The following PUDP variants were observed in gnomAD, a reference collection of about 807,000 sequenced individuals.
PUDP encodes pseudouridine 5'-phosphatase.
A neutral mutation model predicts 9.4 loss-of-function variants in PUDP; 8 were observed. That is an observed-to-expected ratio of 0.85 (90% CI 0.50 to 1.53). The LOEUF is 1.53. Among genes scored for constraint, PUDP ranks in the 40% most tolerant of loss-of-function variants. PUDP has a pLI of 0.00. For synonymous variants in PUDP, 99 were observed against 80.7 expected (o/e 1.23, Z -1.22); for missense variants, 188 against 189.7 (o/e 0.99, Z 0.05).
intron 3 of PUDP, among the ~76,000 whole-genome samples, chrX:6,864,442 T>C: frequency 8.9e-6 from 1 of 112,190 alleles, no homozygotes; most frequent in South Asian, 3.7e-4. Flanking sequence ...ATATAACACT[T>C]GCCAAGGAAT....
At chrX:6,879,764 G>A (rs957528011) in intron 3 of PUDP, among the ~76,000 whole-genome samples, 1 of 111,462 alleles carries the variant, frequency 9.0e-6, no homozygotes, top group African/African-American at 3.3e-5. Flanking sequence ...AAGCTGCCCC[G>A]GGTAGATGGG....
intron 3 of PUDP, among the ~76,000 whole-genome samples, chrX:6,835,371 A>T (rs1926566224): frequency 9.0e-6 from 1 of 111,284 alleles, no homozygotes; most frequent in Admixed American, 9.6e-5. Flanking sequence ...CAAGCAAAGG[A>T]CACAGCAACG....
chrX:6,718,779 CA>C (rs1367450751), intron 1 of PUDP, among the ~76,000 whole-genome samples: 1 of 111,920 alleles, frequency 8.9e-6, no homozygotes, highest in Non-Finnish European at 1.9e-5. Flanking sequence ...CCTTAAAAAA[CA>C]AAGACTTTCT....
intron 1 of PUDP, among the ~76,000 whole-genome samples, chrX:7,114,062 CTCTT>C (rs72410760): frequency 0.33 from 35,547 of 109,287 alleles, 4,517 homozygotes; most frequent in Middle Eastern, 0.46. Context: ...CTCTCTCTCT[CTCTT>C]TTTCTTTTTT....
At chrX:6,777,784 T>C (rs1434311695) in intron 3 of PUDP, among the ~76,000 whole-genome samples, 1 of 111,504 alleles carries the variant, frequency 9.0e-6, no homozygotes, top group Non-Finnish European at 1.9e-5. Context: ...CCTCTTCCTT[T>C]CTGAACCTTT....
At chrX:6,962,546 C>T (rs779761573) in intron 3 of PUDP, among the ~76,000 whole-genome samples, 3 of 111,800 alleles carry the variant, frequency 2.7e-5, no homozygotes, top group Non-Finnish European at 5.6e-5. Flanking sequence ...AAAGGGGTCC[C>T]GGAGCATATG....
chrX:6,881,883 C>A (rs956034876), intron 3 of PUDP, among the ~76,000 whole-genome samples: 2 of 111,497 alleles, frequency 1.8e-5, no homozygotes, highest in African/African-American at 3.3e-5. Context: ...AATCTTAGCT[C>A]CCACTCCAAA....
chrX:7,103,920 G>A (rs1276689136), intron 2 of PUDP, among the ~76,000 whole-genome samples: 2 of 112,195 alleles, frequency 1.8e-5, no homozygotes, highest in African/African-American at 6.5e-5. Flanking sequence ...AGAATGTGGA[G>A]TAATTGGAAC....
At chrX:6,708,329 T>C (rs1358778556) in intron 1 of PUDP, among the ~76,000 whole-genome samples, 1 of 111,588 alleles carries the variant, frequency 9.0e-6, no homozygotes. Flanking sequence ...AAGACTTGTC[T>C]CTCTGCCAGG....
intron 3 of PUDP, among the ~76,000 whole-genome samples, chrX:6,972,347 T>C (rs1041214848): frequency 3.0e-4 from 34 of 112,166 alleles, no homozygotes; most frequent in Non-Finnish European, 5.4e-4. Flanking sequence ...TGTGGGTTTG[T>C]CATAGATAGC....
At chrX:6,819,906 T>C (rs1937058638) in intron 3 of PUDP, among the ~76,000 whole-genome samples, 1 of 111,117 alleles carries the variant, frequency 9.0e-6, no homozygotes, top group African/African-American at 3.3e-5. Context: ...AGAAAATACG[T>C]CAGGTGTGCA....
At chrX:7,034,099 T>C (rs933053310) in intron 1 of PUDP, among the ~76,000 whole-genome samples, 3 of 111,603 alleles carry the variant, frequency 2.7e-5, no homozygotes, top group African/African-American at 9.8e-5. Context: ...TTAAGAAACA[T>C]TTGAGGACAT....
intron 2 of PUDP, among the ~76,000 whole-genome samples, chrX:7,100,573 T>C (rs1275741364): frequency 1.8e-5 from 2 of 111,030 alleles, no homozygotes; most frequent in Admixed American, 1.9e-4. Context: ...AGGAACAAAG[T>C]AGTAAGTGAG....
chrX:6,961,015 C>T (rs773615516), intron 3 of PUDP, among the ~76,000 whole-genome samples: 3 of 111,849 alleles, frequency 2.7e-5, no homozygotes, highest in African/African-American at 9.7e-5. Flanking sequence ...ACATACAAAA[C>T]TCATTTTAAT....
Position 7,050,239 on chromosome X carries a change from C to CCCCAG in PUDP, c.*52_*56dup. 9.0e-7 allele frequency: 1 copy of CCCCAG among 1,108,283 alleles called. No homozygotes were observed. The highest frequency in any genetic ancestry group is 2.0e-5 in the South Asian group (1 of 48,894). 91.3% of individuals were successfully genotyped at this position (1,108,283 alleles called of 1,213,427 possible). A position where few individuals can be genotyped will look rare whatever the true frequency, so the allele number is the denominator to read the frequency against. On this transcript the variant is annotated 3_prime_UTR_variant, in exon 4 of 4. Transcript: ENST00000381077. ...GAGTTGCTGATTTCCTTTCCCTTTCCCCCAGCAGTGTGGACCATGAGAGTG... is the reference window on the plus strand; with the variant it reads ...GAGTTGCTGATTTCCTTTCCCTTTCCCCCAGCCCAGCAGTGTGGACCATGAGAGTG...
intron 1 of PUDP, among the ~76,000 whole-genome samples, chrX:7,123,621 T>C (rs1334183449): frequency 8.9e-6 from 1 of 111,799 alleles, no homozygotes; most frequent in African/African-American, 3.3e-5. Context: ...GATCTAACTA[T>C]ATGATATCTA....
intron 3 of PUDP, among the ~76,000 whole-genome samples, chrX:6,911,835 C>T (rs1389248174): frequency 8.9e-6 from 1 of 111,762 alleles, no homozygotes; most frequent in African/African-American, 3.2e-5. Context: ...ATTTTGTAAG[C>T]CACCAATGTG....
At chrX:6,839,253 A>G (rs1278591092) in intron 3 of PUDP, among the ~76,000 whole-genome samples, 1 of 111,036 alleles carries the variant, frequency 9.0e-6, no homozygotes, top group African/African-American at 3.3e-5. Context: ...TGGGCCTAGG[A>G]CTCTGTAATA....
At chrX:6,815,945 T>C (rs1037400412) in intron 3 of PUDP, among the ~76,000 whole-genome samples, 5 of 107,355 alleles carry the variant, frequency 4.7e-5, no homozygotes, top group African/African-American at 1.7e-4. Context: ...TTTATATATA[T>C]GTATATATAC....
Sources: gnomAD v4.1 joint callset for allele counts (sites outside exome capture counted in the v4.1 genomes callset) on GRCh38, gnomAD v4.1.1 for gene constraint, MANE v1.5 for transcripts, NCBI Gene and HGNC (gene_info 2026-07-23, HGNC 2026-07-21) for gene names.